MOB2: variants seen among roughly 807,000 people sequenced by gnomAD.
The protein encoded by MOB2 is MOB2 Mps One Binder homolog.
Under a neutral mutation model 27.4 loss-of-function variants are expected in MOB2, and 14 were observed. The ratio of observed to expected loss-of-function variants is 0.51; its 90% CI spans 0.34 to 0.80. MOB2 has a LOEUF of 0.80. MOB2 is among the 30% of genes least tolerant of loss of function. The probability of loss-of-function intolerance (pLI) is 0.01; values close to 1 mark genes in which losing one functional copy is unlikely to be tolerated. For missense variants in MOB2, 304 were observed against 354.6 expected, an observed-to-expected ratio of 0.86 and a Z score of 1.15; for synonymous variants, 167 against 151.8, an observed-to-expected ratio of 1.10 and a Z score of -0.74.
intron 3 of MOB2, chr11:1,473,109 G>GCAAA (rs1200482243): frequency 6.5e-6 from 1 of 152,716 alleles, no homozygotes; most frequent in Non-Finnish European, 1.5e-5. Context: ...CCTCCAGAAT[G>GCAAA]CAAACCAGGA....
At position 1,480,857 on chromosome 11, in the gene MOB2, T is replaced by C. The variant is rs1291901311; in HGVS notation, c.139A>G (p.Lys47Glu). 1.3e-6 allele frequency: 2 copies of C among 1,564,438 alleles called. No individual in the cohort carries two copies. The highest frequency in any genetic ancestry group is 8.7e-7 in the Non-Finnish European group (1 of 1,154,904). The change falls in exon 2 of 5, where the codon AAG (lysine) becomes GAG (glutamate). Residue 47 changes from lysine (K) to glutamate (E), a missense_variant. By Grantham distance (56) the Lys-to-Glu change is moderately conservative. Coordinates refer to ENST00000329957, the MANE Select transcript of MOB2 (RefSeq NM_001172223.3). Reference sequence around the variant, plus strand: ...GCCTTCCTCTCCTCCGCAGCGGGCTTCTTGCCATTAGGCTTGGCTTTGGAC... The same window carrying C: ...GCCTTCCTCTCCTCCGCAGCGGGCTCCTTGCCATTAGGCTTGGCTTTGGAC... ...RKSKAKPNGK[K>E]PAAEERKAYL...
chr11:1,482,079 C>T (rs1219612783), intron 1 of MOB2, among the ~76,000 whole-genome samples: 1 of 152,214 alleles, frequency 6.6e-6, no homozygotes, highest in Non-Finnish European at 1.5e-5. Flanking sequence ...GGTGGGCCTG[C>T]ACCTCCCTGC....
intron 3 of MOB2, 91 bp from the exon 4 acceptor site, chr11:1,471,510 G>C: frequency 6.6e-7 from 1 of 1,511,560 alleles, no homozygotes; most frequent in East Asian, 2.3e-5. Flanking sequence ...TGCGGGCAGA[G>C]GTGGCGCCAG....
At chr11:1,475,341 G>C (rs1847840982) in intron 3 of MOB2, among the ~76,000 whole-genome samples, 1 of 152,016 alleles carries the variant, frequency 6.6e-6, no homozygotes, top group Non-Finnish European at 1.5e-5. Flanking sequence ...CAGGGATACA[G>C]CAATCCCCCC....
chr11:1,471,420 C>G lies in MOB2; in HGVS notation c.366-1G>C. The G allele has an allele frequency of 6.2e-7, 1 of 1,610,238 alleles. No individual in the cohort carries two copies. Among genetic ancestry groups the G allele is most frequent in the Non-Finnish European group, 8.5e-7 (1 of 1,177,864 alleles). Reference sequence around the variant, plus strand: ...CCGCTCGTCATACCAGTAGTACTGTCTGTGGAGACAGAGACACGGTCAGGG... The same window carrying G: ...CCGCTCGTCATACCAGTAGTACTGTGTGTGGAGACAGAGACACGGTCAGGG... On this transcript the variant is annotated splice_acceptor_variant, in intron 3 of 4. Coordinates refer to ENST00000329957, the MANE Select transcript of MOB2 (RefSeq NM_001172223.3). LOFTEE classifies it high-confidence loss of function.
rs371642780 is a variant in MOB2 at position 1,470,305 on chromosome 11, G to C, written c.674C>G (p.Pro225Arg). Residue 225 changes from proline (P) to arginine (R), a missense_variant, in exon 5 of 5, where the codon CCC becomes CGC. Coordinates refer to ENST00000329957, the MANE Select transcript of MOB2 (RefSeq NM_001172223.3). Reference sequence around the variant, plus strand: ...GTCGTCCATGATGGCGGTCTCTTTGGGGTCCAGCAGGTTGAACTCCCGAGC... The same window carrying C: ...GTCGTCCATGATGGCGGTCTCTTTGCGGTCCAGCAGGTTGAACTCCCGAGC... Reference protein sequence around the residue: ...LFAREFNLLDPKETAIMDDLT... With the variant: ...LFAREFNLLDRKETAIMDDLT... 1 of 1,613,310 alleles carries C rather than the reference G, an allele frequency of 6.2e-7. No homozygotes were observed. The highest frequency in any genetic ancestry group is 8.5e-7 in the Non-Finnish European group (1 of 1,179,910).
chr11:1,473,738 G>A (rs986543160), intron 3 of MOB2, among the ~76,000 whole-genome samples: 1 of 152,230 alleles, frequency 6.6e-6, no homozygotes, highest in African/African-American at 2.4e-5. Context: ...TCAGTAAACC[G>A]TTTCTGGTAT....
rs2133355680 is a variant in MOB2, at chr11:1,470,114, G to A, written c.*58C>T. ...CACATGTGTGCACACGCAGATGCAGGAGAGAACACACACCACCGTCTCTTT... is the reference window on the plus strand; with the variant it reads ...CACATGTGTGCACACGCAGATGCAGAAGAGAACACACACCACCGTCTCTTT... On this transcript the variant is annotated 3_prime_UTR_variant, in exon 5 of 5. Coordinates refer to ENST00000329957, the MANE Select transcript of MOB2 (RefSeq NM_001172223.3). The A allele has an allele frequency of 6.5e-7, 1 of 1,550,272 alleles. No homozygotes were observed. The highest frequency in any genetic ancestry group is 8.7e-7 in the Non-Finnish European group (1 of 1,147,986).
chr11:1,470,517 C>T, intron 4 of MOB2, 29 bp from the exon 5 acceptor site: 1 of 1,598,414 alleles, frequency 6.3e-7, no homozygotes, highest in Non-Finnish European at 8.5e-7. Context: ...TCACAAGCTG[C>T]AGACATCCCT....
rs1400120470 is a variant in MOB2 at position 1,486,589 on chromosome 11, G to A, written c.-33C>T. 15 of 1,457,994 alleles carry A rather than the reference G, an allele frequency of 1.0e-5. No homozygotes were observed. In the East Asian group the frequency reaches 1.2e-4, roughly 12 times the overall value. 90.3% of individuals were successfully genotyped at this position (1,457,994 alleles called of 1,614,324 possible). On this transcript the variant is annotated 5_prime_UTR_variant, in exon 1 of 5. Transcript: ENST00000329957. ...CGACGGGAAGGTGGGGAGGAGAAGC[G>A]GGGCGGGGTGCCGGCTGGCCAGCAC...
In MOB2 at chr11:1,480,503, G is replaced by C. The variant is rs1473692092; in HGVS notation, c.272-17C>G. ...ACGTCGTGGCTGGAAGAGAAGAGAA[G>C]GAGCCAGATGTGAAAAACGCCAGAG... On this transcript the variant is annotated splice_polypyrimidine_tract_variant and intron_variant, in intron 2 of 4. Transcript: ENST00000329957. 1 of 1,612,766 alleles carries C rather than the reference G, an allele frequency of 6.2e-7. No homozygotes were observed. The highest frequency in any genetic ancestry group is 1.7e-5 in the Admixed American group (1 of 60,026).
intron 2 of MOB2, 89 bp downstream of exon 2, chr11:1,480,636 G>A: frequency 6.5e-7 from 1 of 1,543,402 alleles, no homozygotes. Context: ...GGGGGCTGCT[G>A]AGCACCAGCC....
intron 4 of MOB2, 89 bp downstream of exon 4, chr11:1,471,206 C>A: frequency 1.3e-6 from 2 of 1,485,094 alleles, no homozygotes; most frequent in East Asian, 2.5e-5. Context: ...CTGCCCCTCC[C>A]GGCACAGGAG....
At chr11:1,484,944 T>G (rs1847954871) in intron 1 of MOB2, among the ~76,000 whole-genome samples, 1 of 152,158 alleles carries the variant, frequency 6.6e-6, no homozygotes, top group Non-Finnish European at 1.5e-5. Flanking sequence ...AAGCGAGCTT[T>G]TACCAGCCTA....
intron 1 of MOB2, among the ~76,000 whole-genome samples, chr11:1,485,356 T>C (rs1006332290): frequency 2.6e-5 from 4 of 152,156 alleles, no homozygotes; most frequent in African/African-American, 9.7e-5. Context: ...CATTCCTGAT[T>C]TGAACTCACG....
chr11:1,470,163 C>A lies in MOB2; in HGVS notation c.*9G>T. On this transcript the variant is annotated 3_prime_UTR_variant, in exon 5 of 5. Transcript: ENST00000329957. ...TTGCACACGTGTGCCCCTGTCCGGC[C>A]CGGGGGGCTCATCTCTCCTTCACGT... 6.3e-7 allele frequency: 1 copy of A among 1,586,122 alleles called. No individual in the cohort carries two copies. The highest frequency in any genetic ancestry group is 1.1e-5 in the South Asian group (1 of 88,468).
At chr11:1,481,524 T>C (rs4881725) in intron 1 of MOB2, 140,153 of 152,568 alleles carry the variant, frequency 0.92, 64,541 homozygotes, top group East Asian at 1. Context: ...TTATTTTTTT[T>C]CTTTCTTGTT....
rs192013745 is a variant in MOB2 at position 1,470,123 on chromosome 11, C to T, written c.*49G>A. On this transcript the variant is annotated 3_prime_UTR_variant, in exon 5 of 5. Coordinates refer to ENST00000329957, the MANE Select transcript of MOB2 (RefSeq NM_001172223.3). ...GCACACGCAGATGCAGGAGAGAACA[C>T]ACACCACCGTCTCTTTGCACACGTG... is the stretch of plus-strand genomic sequence containing the variant. 30 of 1,552,740 alleles carry T rather than the reference C, an allele frequency of 1.9e-5. No individual in the cohort carries two copies. The East Asian group carries it at 7.1e-4, about 37-fold the overall frequency.
intron 3 of MOB2, 120 bp from the exon 4 acceptor site, chr11:1,471,539 C>T (rs950503866): frequency 7.8e-7 from 1 of 1,285,880 alleles, no homozygotes; most frequent in South Asian, 1.4e-5. Flanking sequence ...GTGTGGCAGA[C>T]CCAGGTGTCT....
Sources: gnomAD v4.1 joint callset for allele counts (sites outside exome capture counted in the v4.1 genomes callset) on GRCh38, gnomAD v4.1.1 for gene constraint, MANE v1.5 for transcripts, NCBI Gene and HGNC (gene_info 2026-07-23, HGNC 2026-07-21) for gene names.